Variants in IGF1R observed in about 807,000 individuals in gnomAD.
The protein encoded by IGF1R is insulin like growth factor 1 receptor, also known as insulin-like growth factor 1 receptor.
IGF1R carries 44 observed loss-of-function variants against 144.6 expected under a neutral mutation model. The ratio of observed to expected loss-of-function variants is 0.30; its 90% CI spans 0.24 to 0.39. The LOEUF (loss-of-function observed/expected upper bound fraction) is 0.39. Among genes scored for constraint, IGF1R ranks in the 10% least tolerant of loss-of-function variants. The probability of loss-of-function intolerance (pLI) is 1.00; values close to 1 mark genes in which losing one functional copy is unlikely to be tolerated. For synonymous variants in IGF1R, 795 were observed against 722.8 expected (o/e 1.10, Z -1.60); for missense variants, 1,355 against 1,833.7 (o/e 0.74, Z 4.77).
At chr15:98,898,850 A>G (rs867108404) in intron 4 of IGF1R, among the ~76,000 whole-genome samples, 1 of 151,384 alleles carries the variant, frequency 6.6e-6, no homozygotes. Flanking sequence ...ATTAGCAACT[A>G]TTTTTCCAAC....
At chr15:98,856,469 G>A (rs2011824781) in intron 2 of IGF1R, among the ~76,000 whole-genome samples, 1 of 152,196 alleles carries the variant, frequency 6.6e-6, no homozygotes, top group South Asian at 2.1e-4. Flanking sequence ...AAAACACTTA[G>A]CGTTGGGCCT....
chr15:98,773,207 G>A (rs72769841), intron 2 of IGF1R, among the ~76,000 whole-genome samples: 8,571 of 152,116 alleles, frequency 0.056, 300 homozygotes, highest in East Asian at 0.12. Flanking sequence ...GATGACCCCC[G>A]TGCTGCATGT....
At chr15:98,688,574 C>G (rs780038333) in intron 1 of IGF1R, among the ~76,000 whole-genome samples, 4 of 152,088 alleles carry the variant, frequency 2.6e-5, no homozygotes, top group Non-Finnish European at 4.4e-5. Context: ...GTTTTCTAGA[C>G]AGCATGAGAC....
chr15:98,955,638 C>G (rs541302456), intron 20 of IGF1R, among the ~76,000 whole-genome samples: 185 of 152,348 alleles, frequency 1.2e-3, no homozygotes, highest in South Asian at 4.3e-3. Context: ...CACCCTCCCT[C>G]AAGGTTGCAC....
At position 98,962,131 on chromosome 15, in the gene IGF1R, G is replaced by A. The variant is rs571122612; in HGVS notation, c.*4689G>A. Reference sequence around the variant, plus strand: ...TCTGTGGCAAGATCACACTGAGATCGATGGGTGAGAAGGCTAGGATGCTTG... The same window carrying A: ...TCTGTGGCAAGATCACACTGAGATCAATGGGTGAGAAGGCTAGGATGCTTG... On this transcript the variant is annotated 3_prime_UTR_variant, in exon 21 of 21. Coordinates refer to ENST00000650285, the MANE Select transcript of IGF1R (RefSeq NM_000875.5). 59 of 233,296 alleles carry A rather than the reference G, an allele frequency of 2.5e-4. No homozygotes were observed. The highest frequency in any genetic ancestry group is 1.3e-3 in the Middle Eastern group (1 of 786). 14.5% of individuals were successfully genotyped at this position (233,296 alleles called of 1,614,324 possible).
rs898469082 is a variant in IGF1R, at chr15:98,812,443, G to A, written c.641-78882G>A. Among the ~76,000 whole-genome samples, 7 of 150,406 alleles carry A rather than the reference G, an allele frequency of 4.7e-5. No homozygotes were observed. The East Asian group carries it at 7.8e-4, about 17-fold the overall frequency. On this transcript the variant is annotated intron_variant, in intron 2 of 20. Transcript: ENST00000650285. ...GCGATCTCAGTTCACTGCAATCTCC[G>A]CCTCCTGGTTTCAAGCATTTGTCCT...
rs369440061 is a variant in IGF1R at position 98,812,964 on chromosome 15, C to T, written c.641-78361C>T. Among the ~76,000 whole-genome samples the T allele has an allele frequency of 4.5e-4, 68 of 152,260 alleles. No homozygotes were observed. The South Asian group carries it at 0.014, about 31-fold the overall frequency. ...CCTGCTTCCTGTCTCTTAGGCTGTTCCAGTCTTCTATCGAAAAACAGTGGT... is the reference window on the plus strand; with the variant it reads ...CCTGCTTCCTGTCTCTTAGGCTGTTTCAGTCTTCTATCGAAAAACAGTGGT... On this transcript the variant is annotated intron_variant, in intron 2 of 20. Coordinates refer to ENST00000650285, the MANE Select transcript of IGF1R (RefSeq NM_000875.5).
chr15:98,924,360 G>A (rs528842530), intron 12 of IGF1R, among the ~76,000 whole-genome samples, 165 bp from the exon 13 acceptor site: 31 of 152,332 alleles, frequency 2.0e-4, no homozygotes, highest in African/African-American at 6.0e-4. Context: ...ACTTGAAGAC[G>A]ACCTTTTAAG....
intron 2 of IGF1R, among the ~76,000 whole-genome samples, chr15:98,728,029 T>TTA (rs869246687): frequency 4.0e-5 from 6 of 150,482 alleles, no homozygotes; most frequent in African/African-American, 1.5e-4. Flanking sequence ...TTTTTTTTTT[T>TTA]AAGCGAGCAG....
At chr15:98,651,653 T>C (rs1332379344) in intron 1 of IGF1R, among the ~76,000 whole-genome samples, 2 of 152,234 alleles carry the variant, frequency 1.3e-5, no homozygotes, top group Non-Finnish European at 2.9e-5. Flanking sequence ...GGAGCGTTCT[T>C]CTTGAAGGAT....
intron 19 of IGF1R, among the ~76,000 whole-genome samples, chr15:98,948,065 G>A (rs906455213): frequency 6.6e-6 from 1 of 152,162 alleles, no homozygotes; most frequent in African/African-American, 2.4e-5. Flanking sequence ...GAACCACCTG[G>A]GTAGAGGTTT....
chr15:98,922,269 T>C lies in IGF1R; in HGVS notation c.2323T>C (p.Tyr775His). The C allele has an allele frequency of 6.2e-7, 1 of 1,614,064 alleles. No individual in the cohort carries two copies. The highest frequency in any genetic ancestry group is 8.5e-7 in the Non-Finnish European group (1 of 1,180,004). Residue 775 changes from tyrosine (Y) to histidine (H), a missense_variant, in exon 11 of 21, where the codon TAC becomes CAC. This residue lies in a region of IGF1R where 880 missense variants were observed against 1,202.7 expected (regional missense o/e 0.73). Coordinates refer to ENST00000650285, the MANE Select transcript of IGF1R (RefSeq NM_000875.5). ...ITDPEELETE[Y>H]PFFESRVDNK... ...CGACCCGGAAGAGCTGGAGACAGAG[T>C]ACCCTTTCTTTGAGAGCAGAGTGGA...
At chr15:98,700,297 T>C (rs1270538346) in intron 1 of IGF1R, among the ~76,000 whole-genome samples, 1 of 152,142 alleles carries the variant, frequency 6.6e-6, no homozygotes, top group Non-Finnish European at 1.5e-5. Flanking sequence ...TGTTTCGTAG[T>C]TTCTTCGGGC....
At chr15:98,916,250 G>A in intron 9 of IGF1R, 119 bp downstream of exon 9, 2 of 891,314 alleles carry the variant, frequency 2.2e-6, no homozygotes, top group African/African-American at 1.7e-5. Context: ...TTGGAAACCA[G>A]CTATCTTCTG....
intron 10 of IGF1R, among the ~76,000 whole-genome samples, chr15:98,920,034 C>T (rs985471010): frequency 2.6e-5 from 4 of 152,308 alleles, no homozygotes; most frequent in African/African-American, 9.6e-5. Flanking sequence ...AGTCAATATT[C>T]GCAGTAAATG....
At position 98,768,927 on chromosome 15, in the gene IGF1R, CAA is replaced by C. The variant is rs766811252; in HGVS notation, c.640+60824_640+60825del. On this transcript the variant is annotated intron_variant, in intron 2 of 20. Coordinates refer to ENST00000650285, the MANE Select transcript of IGF1R (RefSeq NM_000875.5). ...TGGGTGACAGAGTGAGATTCCGTCTCAAAAACAACAACAACAACAACAACAAC... is the reference window on the plus strand; with the variant it reads ...TGGGTGACAGAGTGAGATTCCGTCTCAAACAACAACAACAACAACAACAAC... Among the ~76,000 whole-genome samples the C allele has an allele frequency of 8.5e-4, 12 of 14,146 alleles. No individual in the cohort carries two copies. In the South Asian group the frequency reaches 0.077, roughly 91 times the overall value. The allele number at this position is 14,146 out of a possible 152,430, so 9.3% of individuals were successfully genotyped here.
Position 98,935,429 on chromosome 15 carries a change from C to A in IGF1R, c.3297+3C>A, listed in dbSNP as rs1411292314. 4.0e-6 allele frequency: 6 copies of A among 1,511,774 alleles called. No individual in the cohort carries two copies. The East Asian group carries it at 1.5e-4, about 37-fold the overall frequency. 93.6% of individuals were successfully genotyped at this position (1,511,774 alleles called of 1,614,324 possible). On this transcript the variant is annotated splice_donor_region_variant and intron_variant, in intron 17 of 20. Transcript: ENST00000650285. The surrounding 1 kb of genome is among the most constrained non-coding windows in gnomAD (Gnocchi z 4.2). Reference sequence around the variant, plus strand: ...GGTCTCTGAGGCCAGAAATGGAGGTCAGTTTTCATTTCCACCGGTATTGCA... The same window carrying A: ...GGTCTCTGAGGCCAGAAATGGAGGTAAGTTTTCATTTCCACCGGTATTGCA...
At chr15:98,711,301 C>A (rs754698058) in intron 2 of IGF1R, among the ~76,000 whole-genome samples, 2 of 152,212 alleles carry the variant, frequency 1.3e-5, no homozygotes, top group Non-Finnish European at 2.9e-5. Flanking sequence ...GGCTGTAGAA[C>A]TACGGAGAAC....
At chr15:98,898,604 A>G (rs2014320295) in intron 4 of IGF1R, among the ~76,000 whole-genome samples, 1 of 152,246 alleles carries the variant, frequency 6.6e-6, no homozygotes, top group Non-Finnish European at 1.5e-5. Context: ...TTTATCCTTT[A>G]GTACCCTTAT....
Sources: allele counts gnomAD v4.1 joint callset (sites outside exome capture counted in the v4.1 genomes callset), GRCh38; gene constraint gnomAD v4.1.1; regional missense constraint gnomAD v4.1.1; non-coding constraint Gnocchi (gnomAD v3.1); transcripts MANE v1.5; gene names NCBI Gene and HGNC (gene_info 2026-07-23, HGNC 2026-07-21).